The following DCAF1 variants were observed in gnomAD, a reference collection of about 807,000 sequenced individuals.
DCAF1 encodes the protein DDB1- and CUL4-associated factor 1.
In DCAF1, 15 loss-of-function variants were observed where a neutral mutation model predicts 128.0. The observed-to-expected ratio is 0.12, with a 90% CI of 0.08 to 0.18. The LOEUF (loss-of-function observed/expected upper bound fraction) is 0.18, where lower values mean the gene tolerates loss of function less well. DCAF1 is among the 10% of genes least tolerant of loss of function. The pLI is 1.00. For synonymous variants in DCAF1, 610 were observed against 603.0 expected (o/e 1.01, Z -0.17); for missense variants, 988 against 1,649.5 (o/e 0.60, Z 6.95).
chr3:51,420,242 C>G lies in DCAF1; in HGVS notation c.2728G>C (p.Ala910Pro), dbSNP rs2107344309. ...GCAGCATGGCTGCCCAGACGAGTTG[C>G]AATGCCATTAGCGATACGAGGGGTT... Reference protein sequence around the residue: ...PRTPRIANGIATRLGSHAAVG... With the variant: ...PRTPRIANGIPTRLGSHAAVG... Residue 910 changes from alanine (A) to proline (P), a missense_variant, in exon 15 of 25, where the codon GCA becomes CCA. By Grantham distance (27) the Ala-to-Pro change is conservative. This residue lies in a region of DCAF1 where 88 missense variants were observed against 107.7 expected (regional missense o/e 0.82). Coordinates refer to ENST00000684031, the MANE Select transcript of DCAF1 (RefSeq NM_001387579.1). The surrounding 1 kb of genome is among the most constrained non-coding windows in gnomAD (Gnocchi z 6.5). The G allele has an allele frequency of 6.2e-7, 1 of 1,614,012 alleles. No individual in the cohort carries two copies. The highest frequency in any genetic ancestry group is 8.5e-7 in the Non-Finnish European group (1 of 1,179,892).
chr3:51,449,780 C>T (rs1702185574), intron 6 of DCAF1, among the ~76,000 whole-genome samples: 1 of 152,008 alleles, frequency 6.6e-6, no homozygotes, highest in Admixed American at 6.6e-5. Flanking sequence ...AGAGAGGACT[C>T]ACATTACTAG....
chr3:51,493,771 G>A lies in DCAF1; in HGVS notation c.-9+2963C>T, dbSNP rs545467321. The stretch of plus-strand genomic sequence containing the variant: ...CCAGCACTTTGGGAGGCCAAGGCGG[G>A]TGGATCATGAGGTCAACAGTTCGAG... On this transcript the variant is annotated intron_variant, in intron 2 of 24. Transcript: ENST00000684031. Among the ~76,000 whole-genome samples, 5 of 152,216 alleles carry A rather than the reference G, an allele frequency of 3.3e-5. No individual in the cohort carries two copies. In the South Asian group the frequency reaches 6.2e-4, roughly 19 times the overall value.
intron 24 of DCAF1, among the ~76,000 whole-genome samples, chr3:51,400,087 G>T (rs1359610062): frequency 6.6e-6 from 1 of 152,240 alleles, no homozygotes; most frequent in African/African-American, 2.4e-5. Flanking sequence ...GTAAGCAAAA[G>T]AAATGGCTGA....
At position 51,424,394 on chromosome 3, in the gene DCAF1, C is replaced by A. The variant is rs190487813; in HGVS notation, c.1848-1963G>T. Among the ~76,000 whole-genome samples the A allele has an allele frequency of 3.1e-3, 458 of 149,620 alleles. 4 individuals carry two copies. The Middle Eastern group carries it at 0.038, about 12-fold the overall frequency. Reference sequence around the variant, plus strand: ...CTCCAGCCTGGGTGACAGAGCAAGACTCTGCCTCAAAAAAAAAAAAGAAAA... The same window carrying A: ...CTCCAGCCTGGGTGACAGAGCAAGAATCTGCCTCAAAAAAAAAAAAGAAAA... On this transcript the variant is annotated intron_variant, in intron 13 of 24. Coordinates refer to ENST00000684031, the MANE Select transcript of DCAF1 (RefSeq NM_001387579.1).
intron 13 of DCAF1, among the ~76,000 whole-genome samples, chr3:51,425,198 C>T (rs1202626924): frequency 3.3e-5 from 5 of 152,104 alleles, no homozygotes; most frequent in African/African-American, 1.2e-4. Context: ...ACAGGCCGGA[C>T]CGTGTTTCAT....
intron 8 of DCAF1, 74 bp downstream of exon 8, chr3:51,441,311 T>C: frequency 6.8e-7 from 1 of 1,479,746 alleles, no homozygotes; most frequent in Non-Finnish European, 9.0e-7. Flanking sequence ...TTGTATAAAA[T>C]ACTACCATAA....
rs529980651 is a variant in DCAF1, at chr3:51,479,280, T to C, written c.110+4439A>G. Among the ~76,000 whole-genome samples, 120 of 151,788 alleles carry C rather than the reference T, an allele frequency of 7.9e-4. No individual in the cohort carries two copies. The Middle Eastern group carries it at 0.014, about 17-fold the overall frequency. On this transcript the variant is annotated intron_variant, in intron 3 of 24. Coordinates refer to ENST00000684031, the MANE Select transcript of DCAF1 (RefSeq NM_001387579.1). ...CTTCTGGGAGGCCGAGGCAGGTGGA[T>C]TGCCTGAGTCCAGGTGTTCAAGACC...
At chr3:51,423,398 A>T (rs1316754118) in intron 13 of DCAF1, among the ~76,000 whole-genome samples, 1 of 151,640 alleles carries the variant, frequency 6.6e-6, no homozygotes, top group Admixed American at 6.6e-5. Flanking sequence ...GCTACTCGGG[A>T]GGTTGAGGCA....
intron 3 of DCAF1, among the ~76,000 whole-genome samples, chr3:51,483,323 C>A (rs1706485480): frequency 6.6e-6 from 1 of 151,394 alleles, no homozygotes; most frequent in Non-Finnish European, 1.5e-5. Context: ...GCCTGTAATC[C>A]CAGCTACTTG....
intron 4 of DCAF1, among the ~76,000 whole-genome samples, chr3:51,467,721 C>A (rs1025964552): frequency 6.6e-6 from 1 of 152,116 alleles, no homozygotes; most frequent in South Asian, 2.1e-4. Flanking sequence ...TGCTCTCTAG[C>A]CTTCCCATCT....
chr3:51,414,636 A>G lies in DCAF1; in HGVS notation c.3825T>C (p.Ile1275=), dbSNP rs782319980. 64 of 1,613,884 alleles carry G rather than the reference A, an allele frequency of 4.0e-5. No individual in the cohort carries two copies. Among genetic ancestry groups the G allele is most frequent in the South Asian group, 1.2e-4 (11 of 91,084 alleles). The change falls in exon 19 of 25, where the codon ATT becomes ATC. Residue 1275 remains isoleucine, a synonymous_variant. Transcript: ENST00000684031. ...VFHPNGLEVI[I]NTEIWDLRTF... ...GTATAAAGGATACAATCTCAGTATT[A>G]ATGATCACCTCCAGTCCATTTGGAT...
chr3:51,413,159 A>T, intron 21 of DCAF1, 93 bp from the exon 22 acceptor site: 1 of 1,569,660 alleles, frequency 6.4e-7, no homozygotes, highest in African/African-American at 1.4e-5. Flanking sequence ...TGATTGCTCA[A>T]AAGTATTTCC....
chr3:51,420,326 A>C lies in DCAF1; in HGVS notation c.2644T>G (p.Ser882Ala). Reference protein sequence around the residue: ...KEADLPMTAASHSSAFTPVTA... With the variant: ...KEADLPMTAAAHSSAFTPVTA... ...ACTGGGGTAAAGGCAGAAGAATGGG[A>C]GGCAGCAGTCATGGGCAGGTCAGCC... The change falls in exon 15 of 25, where the codon TCC becomes GCC. Residue 882 changes from serine to alanine, a missense_variant. Ser to Ala is a moderately conservative substitution (Grantham distance 99). Transcript: ENST00000684031. The surrounding 1 kb of genome is among the most constrained non-coding windows in gnomAD (Gnocchi z 6.5). The C allele has an allele frequency of 6.2e-7, 1 of 1,613,986 alleles. No individual in the cohort carries two copies. Among genetic ancestry groups the C allele is most frequent in the Non-Finnish European group, 8.5e-7 (1 of 1,179,880 alleles).
chr3:51,470,864 C>G (rs1028861889), intron 4 of DCAF1, 65 bp downstream of exon 4: 2 of 1,229,044 alleles, frequency 1.6e-6, no homozygotes, highest in East Asian at 4.8e-5. Flanking sequence ...AAAAAAGACC[C>G]TCGCTTTAAT....
intron 3 of DCAF1, among the ~76,000 whole-genome samples, chr3:51,477,796 CA>C (rs768366753): frequency 6.6e-6 from 1 of 151,802 alleles, no homozygotes; most frequent in African/African-American, 2.4e-5. Context: ...GTTCTGACAC[CA>C]AAAAAAGTCC....
intron 2 of DCAF1, among the ~76,000 whole-genome samples, chr3:51,486,619 T>C (rs1326984854): frequency 1.3e-5 from 2 of 152,130 alleles, no homozygotes; most frequent in South Asian, 4.1e-4. Context: ...CTACTAACTA[T>C]ACATACGTTG....
At chr3:51,409,850 A>T (rs1385964228) in intron 23 of DCAF1, among the ~76,000 whole-genome samples, 1 of 152,226 alleles carries the variant, frequency 6.6e-6, no homozygotes, top group Non-Finnish European at 1.5e-5. Context: ...TGAAATTTGG[A>T]GGACCTAATA....
At chr3:51,407,426 G>A (rs1697949864) in intron 23 of DCAF1, among the ~76,000 whole-genome samples, 1 of 152,164 alleles carries the variant, frequency 6.6e-6, no homozygotes, top group African/African-American at 2.4e-5. Flanking sequence ...CCAGGTGTGT[G>A]TAATCAGTAA....
chr3:51,502,091 A>T (rs1440331335), upstream of DCAF1, among the ~76,000 whole-genome samples: 1 of 152,060 alleles, frequency 6.6e-6, no homozygotes, highest in Non-Finnish European at 1.5e-5. Flanking sequence ...TAAGCCTTGG[A>T]TATCTCCCCT....
Sources: gnomAD v4.1 joint callset for allele counts (sites outside exome capture counted in the v4.1 genomes callset) on GRCh38, gnomAD v4.1.1 for gene constraint, gnomAD v4.1.1 regional missense constraint, Gnocchi (gnomAD v3.1) non-coding constraint, MANE v1.5 for transcripts, NCBI Gene and HGNC (gene_info 2026-07-23, HGNC 2026-07-21) for gene names.